VWA5B1: variants seen among roughly 807,000 people sequenced by gnomAD.
VWA5B1 encodes von Willebrand factor A domain-containing protein 5B1.
In VWA5B1, 115 loss-of-function variants were observed where a neutral mutation model predicts 118.2. That is an observed-to-expected ratio of 0.97 (90% CI 0.84 to 1.14). The LOEUF is 1.14. Ranked by LOEUF, VWA5B1 falls within the 50% of genes most tolerant of loss-of-function variation. The pLI, the probability that VWA5B1 is intolerant of heterozygous loss-of-function variation, is 0.00. For missense variants in VWA5B1, 1,596 were observed against 1,603.8 expected, an observed-to-expected ratio of 1.00 and a Z score of 0.08; for synonymous variants, 682 against 658.4, an observed-to-expected ratio of 1.04 and a Z score of -0.55.
chr1:20,322,848 C>T (rs2089263233), intron 7 of VWA5B1, among the ~76,000 whole-genome samples: 1 of 152,102 alleles, frequency 6.6e-6, no homozygotes, highest in Non-Finnish European at 1.5e-5. Context: ...GGAAGCCTTT[C>T]CAAACAGGTA....
At chr1:20,342,997 C>T in intron 15 of VWA5B1, 82 bp from the exon 16 acceptor site, 3 of 1,453,926 alleles carry the variant, frequency 2.1e-6, no homozygotes, top group Non-Finnish European at 2.7e-6. Context: ...GTGTCTGCTC[C>T]CTGGGGAGGA....
chr1:20,359,447 A>G lies in VWA5B1; in HGVS notation c.*5184A>G, dbSNP rs993991616. The stretch of plus-strand genomic sequence containing the variant: ...GGGGCTGTGTGTGTGTCTGTTCTCA[A>G]AGAAATGGCTTCTTTGTACATGGTG... On this transcript the variant is annotated 3_prime_UTR_variant, in exon 22 of 22. Transcript: ENST00000289815. Among the ~76,000 whole-genome samples, 1 of 152,170 alleles carries G rather than the reference A, an allele frequency of 6.6e-6. No homozygotes were observed. Among genetic ancestry groups the G allele is most frequent in the Non-Finnish European group, 1.5e-5 (1 of 68,034 alleles).
At chr1:20,305,315 A>T (rs2088617233) in intron 1 of VWA5B1, among the ~76,000 whole-genome samples, 1 of 152,146 alleles carries the variant, frequency 6.6e-6, no homozygotes, top group African/African-American at 2.4e-5. Flanking sequence ...GGTTGCTGAC[A>T]TGCGGGATCA....
chr1:20,317,327 TG>T (rs2089045969), intron 4 of VWA5B1, among the ~76,000 whole-genome samples: 1 of 152,104 alleles, frequency 6.6e-6, no homozygotes, highest in South Asian at 2.1e-4. Flanking sequence ...CCTGGCCCAG[TG>T]TGGGTGCTCC....
intron 7 of VWA5B1, among the ~76,000 whole-genome samples, chr1:20,319,881 G>T (rs2315615): frequency 6.6e-6 from 1 of 151,892 alleles, no homozygotes; most frequent in East Asian, 1.9e-4. Flanking sequence ...CCACCAGCTG[G>T]GTAGCCTCTT....
intron 10 of VWA5B1, 130 bp from the exon 11 acceptor site, chr1:20,330,739 C>T: frequency 1.1e-6 from 1 of 927,762 alleles, no homozygotes. Context: ...CTTCCTTCTC[C>T]CTCTCCCTCT....
chr1:20,329,568 C>A (rs756755553), intron 9 of VWA5B1, among the ~76,000 whole-genome samples: 1 of 152,126 alleles, frequency 6.6e-6, no homozygotes, highest in Non-Finnish European at 1.5e-5. Flanking sequence ...CTTGACTTCC[C>A]AAACATGCTG....
At chr1:20,295,840 G>A (rs1168212828) in intron 1 of VWA5B1, among the ~76,000 whole-genome samples, 5 of 152,160 alleles carry the variant, frequency 3.3e-5, no homozygotes, top group South Asian at 2.1e-4. Flanking sequence ...ATCATTATCT[G>A]TGACCCCATA....
In VWA5B1 at chr1:20,345,538, T is replaced by G; in HGVS notation, c.2709T>G (p.Pro903=). The change falls in exon 17 of 22, where the codon CCT becomes CCG. Residue 903 remains proline (P), a synonymous_variant. Coordinates refer to ENST00000289815, the MANE Select transcript of VWA5B1 (RefSeq NM_001039500.3). ...TTAGCAAATACACAGCCTTCGTGCCTGTGGACGTGAGCAAGAGCCGGTACC... is the reference window on the plus strand; with the variant it reads ...TTAGCAAATACACAGCCTTCGTGCCGGTGGACGTGAGCAAGAGCCGGTACC... ...NIISKYTAFV[P]VDVSKSRYLP... is the part of the protein sequence containing the mutation. 2 of 1,551,126 alleles carry G rather than the reference T, an allele frequency of 1.3e-6. No individual in the cohort carries two copies. The highest frequency in any genetic ancestry group is 1.7e-6 in the Non-Finnish European group (2 of 1,146,954).
At position 20,314,509 on chromosome 1, in the gene VWA5B1, G is replaced by A. The variant is rs61743876; in HGVS notation, c.480G>A (p.Arg160=). The part of the protein sequence containing the change: ...ELPTLPSGAV[R]VLLPAVCAPT... Reference sequence around the variant, plus strand: ...CAACGCTGCCCAGCGGGGCTGTGAGGGTCCTTCTGCCTGCTGTCTGTGCCC... The same window carrying A: ...CAACGCTGCCCAGCGGGGCTGTGAGAGTCCTTCTGCCTGCTGTCTGTGCCC... The change falls in exon 4 of 22, where the codon AGG becomes AGA. Residue 160 remains arginine (R), a synonymous_variant. Coordinates refer to ENST00000289815, the MANE Select transcript of VWA5B1 (RefSeq NM_001039500.3). 8.4e-6 allele frequency: 13 copies of A among 1,551,616 alleles called. No homozygotes were observed. In the South Asian group the frequency reaches 1.4e-4, roughly 17 times the overall value.
chr1:20,304,496 T>G (rs908068710), intron 1 of VWA5B1, among the ~76,000 whole-genome samples: 1 of 151,882 alleles, frequency 6.6e-6, no homozygotes, highest in Admixed American at 6.6e-5. Context: ...ACTAGATGTT[T>G]GACTTACTCT....
chr1:20,308,738 A>G (rs1185653772), intron 1 of VWA5B1, among the ~76,000 whole-genome samples: 1 of 152,138 alleles, frequency 6.6e-6, no homozygotes, highest in Non-Finnish European at 1.5e-5. Flanking sequence ...CTGAGCCCAG[A>G]GGGAGAACAT....
chr1:20,348,238 C>T lies in VWA5B1; in HGVS notation c.2765-7C>T, dbSNP rs1006411140. 3.4e-5 allele frequency: 53 copies of T among 1,551,208 alleles called. No homozygotes were observed. The Admixed American group carries it at 4.9e-4, about 14-fold the overall frequency. On this transcript the variant is annotated splice_region_variant and splice_polypyrimidine_tract_variant and intron_variant, in intron 17 of 21. Transcript: ENST00000289815. ...CAACCACCCGCTTCCCCTTGTCTTC[C>T]GCGAAGGAGCTGCCCTGCGTATGCT...
chr1:20,318,061 G>T (rs1270614628), intron 5 of VWA5B1, among the ~76,000 whole-genome samples: 1 of 149,050 alleles, frequency 6.7e-6, no homozygotes, highest in Non-Finnish European at 1.5e-5. Context: ...AGATTCTGGG[G>T]TGAGTTCCAG....
At chr1:20,353,315 A>G (rs746955397) in intron 21 of VWA5B1, among the ~76,000 whole-genome samples, 7 of 152,134 alleles carry the variant, frequency 4.6e-5, no homozygotes, top group Non-Finnish European at 1.0e-4. Flanking sequence ...ATCCCTCTGT[A>G]TGTAGGACAG....
At chr1:20,302,655 A>G (rs564584774) in intron 1 of VWA5B1, among the ~76,000 whole-genome samples, 1 of 152,290 alleles carries the variant, frequency 6.6e-6, no homozygotes, top group South Asian at 2.1e-4. Flanking sequence ...AAATGGACAC[A>G]CGGCACATGG....
intron 8 of VWA5B1, among the ~76,000 whole-genome samples, chr1:20,326,586 C>T (rs540964418): frequency 1.3e-5 from 2 of 152,234 alleles, no homozygotes; most frequent in South Asian, 4.2e-4. Context: ...CTGATTTAGC[C>T]TCCTGAGTAG....
Position 20,323,283 on chromosome 1 carries a change from G to A in VWA5B1, c.967-73G>A, listed in dbSNP as rs754460511. 28 of 1,309,364 alleles carry A rather than the reference G, an allele frequency of 2.1e-5. No homozygotes were observed. The East Asian group carries it at 3.0e-4, about 14-fold the overall frequency. The allele number at this position is 1,309,364 out of a possible 1,614,324, so 81.1% of individuals were successfully genotyped here. ...AGGATGTGGGTGCACGGTGAGTGAC[G>A]GGGACCAGCATGAGTCCCCAGGAGT... On this transcript the variant is annotated intron_variant, in intron 7 of 21. Coordinates refer to ENST00000289815, the MANE Select transcript of VWA5B1 (RefSeq NM_001039500.3).
chr1:20,305,432 G>A (rs1175637469), intron 1 of VWA5B1, among the ~76,000 whole-genome samples: 1 of 152,152 alleles, frequency 6.6e-6, no homozygotes, highest in Admixed American at 6.5e-5. Flanking sequence ...CAAGCGCCAA[G>A]TGTTGACTAA....
Sources: allele counts gnomAD v4.1 joint callset (sites outside exome capture counted in the v4.1 genomes callset), GRCh38; gene constraint gnomAD v4.1.1; transcripts MANE v1.5; gene names NCBI Gene and HGNC (gene_info 2026-07-23, HGNC 2026-07-21).